NHSL2: variants seen among roughly 807,000 people sequenced by gnomAD.
NHSL2 encodes the protein NHS like 2.
A neutral mutation model predicts 53.4 loss-of-function variants in NHSL2; 27 were observed. That is an observed-to-expected ratio of 0.51 (90% CI 0.37 to 0.70). NHSL2 has a LOEUF of 0.70. Ranked by LOEUF, NHSL2 falls within the 30% of genes least tolerant of loss-of-function variation. NHSL2 has a pLI of 0.00. For missense variants in NHSL2, 892 were observed against 980.1 expected, an observed-to-expected ratio of 0.91 and a Z score of 1.20; for synonymous variants, 408 against 404.1, an observed-to-expected ratio of 1.01 and a Z score of -0.12.
At chrX:72,005,462 A>T (rs1266450926) in intron 1 of NHSL2, among the ~76,000 whole-genome samples, 1 of 111,742 alleles carries the variant, frequency 8.9e-6, no homozygotes, top group Admixed American at 9.4e-5. Context: ...GCATTGCAGG[A>T]TGTTTAACCT....
chrX:72,116,887 T>C (rs1202985659), intron 1 of NHSL2, among the ~76,000 whole-genome samples: 2 of 111,937 alleles, frequency 1.8e-5, no homozygotes, highest in Middle Eastern at 4.6e-3. Flanking sequence ...CTAGCTGTTA[T>C]GGGAAAGTCT....
chrX:72,066,104 C>G (rs1042277029), intron 1 of NHSL2, among the ~76,000 whole-genome samples: 4 of 111,283 alleles, frequency 3.6e-5, no homozygotes, highest in Non-Finnish European at 7.5e-5. Flanking sequence ...GAGGTGGAAT[C>G]AGGGAGCCCA....
In NHSL2 at chrX:72,147,973, A is replaced by T. The variant is rs761393984; in HGVS notation, c.*4399A>T. ...CACCATGGAAAGGCCAAATTCCCTG[A>T]CGCCTAACTCCAGAATATAGAAAAT... On this transcript the variant is annotated 3_prime_UTR_variant, in exon 8 of 8. Coordinates refer to ENST00000633930, the MANE Select transcript of NHSL2 (RefSeq NM_001013627.3). 17 of 111,944 alleles carry T rather than the reference A, an allele frequency of 1.5e-4. No homozygotes were observed. Among genetic ancestry groups the T allele is most frequent in the Non-Finnish European group, 2.4e-4 (13 of 53,231 alleles). 9.2% of individuals were successfully genotyped at this position (111,944 alleles called of 1,213,427 possible).
chrX:72,018,081 T>C (rs748350286), intron 1 of NHSL2, among the ~76,000 whole-genome samples: 1 of 112,169 alleles, frequency 8.9e-6, no homozygotes, highest in Admixed American at 9.4e-5. Context: ...TACCTGACTT[T>C]CTTCTTAAAT....
chrX:71,979,445 TCGC>T (rs1180504059), intron 1 of NHSL2, among the ~76,000 whole-genome samples: 11 of 111,802 alleles, frequency 9.8e-5, no homozygotes, highest in Non-Finnish European at 2.1e-4. Flanking sequence ...TTTTTAATGA[TCGC>T]CATTCTAACT....
chrX:72,068,869 G>A (rs894020440), intron 1 of NHSL2, among the ~76,000 whole-genome samples: 2 of 111,774 alleles, frequency 1.8e-5, no homozygotes, highest in African/African-American at 6.5e-5. Context: ...TGACAAGGAA[G>A]CAGGTACACC....
At chrX:72,118,510 C>T (rs1465641401) in intron 1 of NHSL2, among the ~76,000 whole-genome samples, 1 of 111,584 alleles carries the variant, frequency 9.0e-6, no homozygotes, top group Non-Finnish European at 1.9e-5. Context: ...ACCGTAGCCT[C>T]GAACTCTTGG....
chrX:72,065,404 T>C (rs2042422684), intron 1 of NHSL2, among the ~76,000 whole-genome samples: 1 of 112,276 alleles, frequency 8.9e-6, no homozygotes, highest in Non-Finnish European at 1.9e-5. Flanking sequence ...CCAGGACATC[T>C]ATGTTTAAGG....
intron 1 of NHSL2, among the ~76,000 whole-genome samples, chrX:72,098,525 G>A (rs1235969019): frequency 9.5e-6 from 1 of 105,779 alleles, no homozygotes; most frequent in African/African-American, 3.5e-5. Context: ...AGCTTGCAGT[G>A]AGCGAAGATT....
chrX:72,127,001 A>G (rs1490501276), intron 1 of NHSL2: 1 of 111,971 alleles, frequency 8.9e-6, no homozygotes, highest in Admixed American at 9.5e-5. Flanking sequence ...TTCCTTGTCT[A>G]AGGATTTCAA....
intron 1 of NHSL2, among the ~76,000 whole-genome samples, chrX:72,088,417 G>A (rs1331416309): frequency 8.9e-6 from 1 of 112,525 alleles, no homozygotes; most frequent in African/African-American, 3.2e-5. Context: ...ATAGGGAATT[G>A]TAAGTCAAAC....
intron 1 of NHSL2, among the ~76,000 whole-genome samples, chrX:72,107,236 A>G (rs949587891): frequency 1.8e-5 from 2 of 111,046 alleles, no homozygotes. Flanking sequence ...ATCCTGGCTA[A>G]CACGGTGAAA....
intron 1 of NHSL2, among the ~76,000 whole-genome samples, chrX:72,110,775 G>A (rs1246451983): frequency 2.0e-5 from 2 of 100,046 alleles, no homozygotes; most frequent in Non-Finnish European, 4.0e-5. Flanking sequence ...CTTCTAAGGT[G>A]CCCACACTGT....
intron 1 of NHSL2, among the ~76,000 whole-genome samples, chrX:72,037,576 G>T (rs1482755825): frequency 8.9e-6 from 1 of 111,792 alleles, no homozygotes; most frequent in Non-Finnish European, 1.9e-5. Context: ...CCCTACTGAT[G>T]CTTCACACAG....
At chrX:72,108,309 A>G (rs746360726) in intron 1 of NHSL2, among the ~76,000 whole-genome samples, 2 of 112,756 alleles carry the variant, frequency 1.8e-5, no homozygotes, top group East Asian at 5.5e-4. Flanking sequence ...CAAAGACACC[A>G]AACTTCTGCC....
chrX:71,995,844 T>C (rs1193288022), intron 1 of NHSL2, among the ~76,000 whole-genome samples: 1 of 112,407 alleles, frequency 8.9e-6, no homozygotes, highest in Non-Finnish European at 1.9e-5. Context: ...TTGTCTGTTT[T>C]CCCCTGTGGT....
intron 1 of NHSL2, among the ~76,000 whole-genome samples, chrX:71,966,878 C>T (rs1482162779): frequency 8.9e-6 from 1 of 111,780 alleles, no homozygotes; most frequent in Admixed American, 9.5e-5. Context: ...ATAAATTTTC[C>T]TTAAATGTTT....
chrX:72,140,969 G>A, intron 6 of NHSL2, 198 bp downstream of exon 6: 1 of 367,617 alleles, frequency 2.7e-6, no homozygotes, highest in Non-Finnish European at 4.8e-6. Flanking sequence ...AGACTAGCCC[G>A]AGGCAGATCT....
chrX:72,137,980 G>A (rs2042373998), intron 5 of NHSL2, among the ~76,000 whole-genome samples: 1 of 111,445 alleles, frequency 9.0e-6, no homozygotes, highest in African/African-American at 3.3e-5. Flanking sequence ...AGTGATGGGT[G>A]CGAACAATGC....
Sources: allele counts gnomAD v4.1 joint callset (sites outside exome capture counted in the v4.1 genomes callset), GRCh38; gene constraint gnomAD v4.1.1; transcripts MANE v1.5; gene names NCBI Gene and HGNC (gene_info 2026-07-23, HGNC 2026-07-21).